The following THRB variants were observed in gnomAD, a reference collection of about 807,000 sequenced individuals.
THRB encodes nuclear receptor subfamily 1 group A member 2.
A neutral mutation model predicts 47.8 loss-of-function variants in THRB; 12 were observed. That is an observed-to-expected ratio of 0.25 (90% CI 0.16 to 0.41). The LOEUF is 0.41. Ranked by LOEUF, THRB falls within the 10% of genes least tolerant of loss-of-function variation. THRB has a pLI of 1.00. For synonymous variants in THRB, 218 were observed against 212.2 expected (o/e 1.03, Z -0.24); for missense variants, 348 against 589.2 (o/e 0.59, Z 4.24).
chr3:24,479,219 G>A (rs1010096991), intron 1 of THRB, among the ~76,000 whole-genome samples: 6 of 152,154 alleles, frequency 3.9e-5, no homozygotes, highest in Non-Finnish European at 7.4e-5. Flanking sequence ...GGAGAATGGC[G>A]TGAACCTGGG....
At chr3:24,439,339 T>C (rs1448987934) in intron 1 of THRB, among the ~76,000 whole-genome samples, 13 of 152,158 alleles carry the variant, frequency 8.5e-5, no homozygotes, top group Admixed American at 8.5e-4. Context: ...GCATCTACTA[T>C]AGGCTTCTTC....
At chr3:24,260,695 G>A (rs372853488) in intron 3 of THRB, among the ~76,000 whole-genome samples, 10 of 152,064 alleles carry the variant, frequency 6.6e-5, no homozygotes, top group African/African-American at 2.4e-4. Flanking sequence ...CATTCTCCTA[G>A]ACAACTGTAT....
At chr3:24,153,434 T>C (rs1366746447) in intron 5 of THRB, among the ~76,000 whole-genome samples, 1 of 152,232 alleles carries the variant, frequency 6.6e-6, no homozygotes, top group Non-Finnish European at 1.5e-5. Flanking sequence ...AAACTTGTGA[T>C]ATTATGATAT....
At chr3:24,128,840 C>G (rs1425360005) in intron 9 of THRB, among the ~76,000 whole-genome samples, 1 of 137,670 alleles carries the variant, frequency 7.3e-6, no homozygotes, top group Non-Finnish European at 1.5e-5. Flanking sequence ...AATCCAATGC[C>G]AAGAGAAGAA....
rs371602445 is a variant in THRB, at chr3:24,143,600, C to T, written c.639G>A (p.Glu213=). Reference sequence around the variant, plus strand: ...TGAGCTCCCATTCCTCGTCTGTGGGCTCTGGCTTGTGCCCGATGGACTTCT... The same window carrying T: ...TGAGCTCCCATTCCTCGTCTGTGGGTTCTGGCTTGTGCCCGATGGACTTCT... ...ELQKSIGHKP[E]PTDEEWELIK... is the part of the protein sequence containing the mutation. The change falls in exon 8 of 11, where the codon GAG becomes GAA. Residue 213 remains glutamate, a synonymous_variant. Coordinates refer to ENST00000646209, the MANE Select transcript of THRB (RefSeq NM_001354712.2). 65 of 1,614,240 alleles carry T rather than the reference C, an allele frequency of 4.0e-5. No individual in the cohort carries two copies. The highest frequency in any genetic ancestry group is 5.2e-5 in the Non-Finnish European group (61 of 1,180,026).
intron 3 of THRB, among the ~76,000 whole-genome samples, chr3:24,293,833 C>T (rs1386825437): frequency 1.3e-5 from 2 of 152,182 alleles, no homozygotes; most frequent in African/African-American, 4.8e-5. Flanking sequence ...AGTTTAGACT[C>T]ACTGTTAATT....
rs531552922 is a variant in THRB at position 24,298,814 on chromosome 3, G to A, written c.-188-1443C>T. Among the ~76,000 whole-genome samples the A allele has an allele frequency of 6.6e-5, 10 of 152,268 alleles. No homozygotes were observed. In the South Asian group the frequency reaches 2.1e-3, roughly 32 times the overall value. ...GTAACCTCCTGTAAGAAATCAGCAT[G>A]AAAAAGGGTCTCTAGACATGATTAT... is the stretch of plus-strand genomic sequence containing the variant. On this transcript the variant is annotated intron_variant, in intron 2 of 10. Coordinates refer to ENST00000646209, the MANE Select transcript of THRB (RefSeq NM_001354712.2).
intron 9 of THRB, among the ~76,000 whole-genome samples, chr3:24,132,154 G>A (rs1447044373): frequency 1.3e-5 from 2 of 152,152 alleles, no homozygotes; most frequent in African/African-American, 4.8e-5. Context: ...CATTCCAGGT[G>A]AGGAAACTTA....
chr3:24,286,194 G>A (rs2055275951), intron 3 of THRB, among the ~76,000 whole-genome samples: 1 of 152,204 alleles, frequency 6.6e-6, no homozygotes, highest in Non-Finnish European at 1.5e-5. Context: ...AATGTTTGGT[G>A]TATAAGCAAC....
intron 2 of THRB, among the ~76,000 whole-genome samples, chr3:24,301,713 T>C (rs1239667815): frequency 6.6e-6 from 1 of 152,236 alleles, no homozygotes; most frequent in African/African-American, 2.4e-5. Flanking sequence ...TCCATGACTT[T>C]ATTGCCGAAT....
At position 24,128,863 on chromosome 3, in the gene THRB, C is replaced by CTTTTTTTTT. The variant is rs57890674; in HGVS notation, c.886-1115_886-1107dup. On this transcript the variant is annotated intron_variant, in intron 9 of 10. Coordinates refer to ENST00000646209, the MANE Select transcript of THRB (RefSeq NM_001354712.2). The stretch of plus-strand genomic sequence containing the variant: ...GCCAAGAGAAGAAGGAAACATAACT[C>CTTTTTTTTT]TTTTTTTTTTTTTTTTTTTTTTTTT... Among the ~76,000 whole-genome samples, 698 of 87,010 alleles carry CTTTTTTTTT rather than the reference C, an allele frequency of 8.0e-3. 96 individuals are homozygous for CTTTTTTTTT. The highest frequency in any genetic ancestry group is 1.0e-2 in the Non-Finnish European group (414 of 41,578). 57.1% of individuals were successfully genotyped at this position (87,010 alleles called of 152,430 possible). A position where few individuals can be genotyped will look rare whatever the true frequency, so the allele number is the denominator to read the frequency against.
chr3:24,184,602 G>A (rs1276542932), intron 5 of THRB, among the ~76,000 whole-genome samples: 2 of 151,998 alleles, frequency 1.3e-5, no homozygotes, highest in African/African-American at 4.8e-5. Flanking sequence ...CCCAGTATAC[G>A]TATGGGGTAC....
intron 1 of THRB, among the ~76,000 whole-genome samples, chr3:24,417,047 T>A (rs1275663972): frequency 6.6e-6 from 1 of 151,878 alleles, no homozygotes; most frequent in Non-Finnish European, 1.5e-5. Context: ...TAAATATATA[T>A]TTCATTTATG....
At chr3:24,233,826 T>G (rs2048590232) in intron 3 of THRB, among the ~76,000 whole-genome samples, 1 of 152,196 alleles carries the variant, frequency 6.6e-6, no homozygotes, top group South Asian at 2.1e-4. Context: ...GCATGTTCAG[T>G]GGACAGAGAA....
At chr3:24,378,597 T>C (rs1261851021) in intron 1 of THRB, among the ~76,000 whole-genome samples, 1 of 152,082 alleles carries the variant, frequency 6.6e-6, no homozygotes, top group East Asian at 1.9e-4. Context: ...GTGCTCAAGG[T>C]TGGGTGTATA....
At chr3:24,209,894 G>A (rs2045839451) in intron 4 of THRB, among the ~76,000 whole-genome samples, 1 of 152,012 alleles carries the variant, frequency 6.6e-6, no homozygotes, top group Non-Finnish European at 1.5e-5. Flanking sequence ...ATGAAAGTCT[G>A]GCCTGAGATA....
chr3:24,334,709 A>G (rs1370571642), intron 2 of THRB, among the ~76,000 whole-genome samples: 3 of 152,174 alleles, frequency 2.0e-5, no homozygotes, highest in Non-Finnish European at 4.4e-5. Context: ...AATTCTGGAA[A>G]GGGGCTCAGG....
At chr3:24,250,909 GAAT>G (rs60845239) in intron 3 of THRB, among the ~76,000 whole-genome samples, 1,611 of 151,976 alleles carry the variant, frequency 0.011, 30 homozygotes, top group African/African-American at 0.037. Flanking sequence ...TGCAAAAATA[GAAT>G]AATTATAGCA....
At chr3:24,165,128 T>C (rs2039466382) in intron 5 of THRB, 1 of 765,004 alleles carries the variant, frequency 1.3e-6, no homozygotes, top group Non-Finnish European at 2.4e-6. Flanking sequence ...CATGTCCAAG[T>C]CAGAGTCCTT....
Sources: allele counts gnomAD v4.1 joint callset (sites outside exome capture counted in the v4.1 genomes callset), GRCh38; gene constraint gnomAD v4.1.1; transcripts MANE v1.5; gene names NCBI Gene and HGNC (gene_info 2026-07-23, HGNC 2026-07-21).